Variants in EML1 observed in about 807,000 individuals in gnomAD.
EML1 encodes echinoderm microtubule-associated protein-like 1.
A neutral mutation model predicts 110.4 loss-of-function variants in EML1; 27 were observed. The ratio of observed to expected loss-of-function variants is 0.24; its 90% CI spans 0.18 to 0.34. The LOEUF is 0.34. Among genes scored for constraint, EML1 ranks in the 10% least tolerant of loss-of-function variants. The pLI is 1.00. For missense variants in EML1, 741 were observed against 1,030.9 expected (o/e 0.72, Z 3.85); for synonymous variants, 344 against 385.8 (o/e 0.89, Z 1.27).
At chr14:99,794,131 A>G in intron 1 of EML1, among the ~76,000 whole-genome samples, 1 of 152,172 alleles carries the variant, frequency 6.6e-6, no homozygotes, top group Non-Finnish European at 1.5e-5. Flanking sequence ...TTTATGGGAT[A>G]ATGGATTCTT....
chr14:99,774,534 C>T (rs2057461206), intron 1 of EML1, among the ~76,000 whole-genome samples: 1 of 152,244 alleles, frequency 6.6e-6, no homozygotes. Flanking sequence ...CATATCCACC[C>T]ACTCAAGGGT....
intron 1 of EML1, among the ~76,000 whole-genome samples, chr14:99,760,768 G>A (rs975783596): frequency 6.6e-6 from 1 of 152,138 alleles, no homozygotes; most frequent in Non-Finnish European, 1.5e-5. Context: ...CGGTCCCTCA[G>A]TGTGTGGCAC....
chr14:99,879,894 G>C (rs1009407773), intron 4 of EML1, among the ~76,000 whole-genome samples: 3 of 152,142 alleles, frequency 2.0e-5, no homozygotes, highest in Admixed American at 2.0e-4. Flanking sequence ...TTAGAGACTT[G>C]GCTCCTCCTC....
intron 1 of EML1, among the ~76,000 whole-genome samples, chr14:99,787,855 G>A (rs1334075926): frequency 1.3e-5 from 2 of 152,158 alleles, no homozygotes; most frequent in African/African-American, 2.4e-5. Context: ...TATTGGATTC[G>A]GGCCCAGCCT....
rs1191098 is a variant in EML1, at chr14:99,894,518, A to G, written c.548-111A>G. On this transcript the variant is annotated intron_variant, in intron 5 of 21. Coordinates refer to ENST00000262233, the MANE Select transcript of EML1 (RefSeq NM_004434.3). ...TCCCTAGGATATCAATTAGAATGAC[A>G]GAAGGGTAAAAGTTTCTCTTTTATA... The G allele has an allele frequency of 0.36, 450,932 of 1,242,682 alleles. 84,779 individuals are homozygous for G. Among genetic ancestry groups the G allele is most frequent in the South Asian group, 0.47 (17,505 of 37,332 alleles). The allele number at this position is 1,242,682 out of a possible 1,614,324, so 77.0% of individuals were successfully genotyped here. A position where few individuals can be genotyped will look rare whatever the true frequency, so the allele number is the denominator to read the frequency against.
chr14:99,898,296 T>C lies in EML1; in HGVS notation c.891T>C (p.Asp297=). The part of the protein sequence containing the change: ...ATGQVAGTSK[D]GKQLPPHVRI... ...GACAAGTTGCGGGCACATCGAAGGA[T>C]GGAAAAGTGAGTTACGTTACCTTTT... The change falls in exon 8 of 22, where the codon GAT becomes GAC. Residue 297 remains aspartate (D), a synonymous_variant. Transcript: ENST00000262233. 2 of 1,610,996 alleles carry C rather than the reference T, an allele frequency of 1.2e-6. No individual in the cohort carries two copies. The highest frequency in any genetic ancestry group is 2.2e-5 in the South Asian group (2 of 90,572).
chr14:99,808,819 G>C (rs1012022136), intron 1 of EML1, among the ~76,000 whole-genome samples: 1 of 152,136 alleles, frequency 6.6e-6, no homozygotes, highest in African/African-American at 2.4e-5. Flanking sequence ...AATATAAAAT[G>C]ATCTCCTTTC....
rs1216310433 is a variant in EML1, at chr14:99,861,497, T to C, written c.251-4017T>C. ...AAAATCTGCTAGCTTTTTTGTTTGA[T>C]TGGAGATGGAGTATCACTCTGTTGC... On this transcript the variant is annotated intron_variant, in intron 2 of 21. Transcript: ENST00000262233. 1.4e-4 allele frequency among the ~76,000 whole-genome samples: 22 copies of C among 152,196 alleles called. 1 individual carries two copies.
intron 1 of EML1, among the ~76,000 whole-genome samples, chr14:99,747,785 G>C (rs1190220398): frequency 6.6e-6 from 1 of 152,158 alleles, no homozygotes; most frequent in East Asian, 1.9e-4. Flanking sequence ...GCCCACCCCT[G>C]GCCACACGGG....
intron 1 of EML1, among the ~76,000 whole-genome samples, chr14:99,776,283 C>T (rs1459543649): frequency 6.6e-6 from 1 of 152,066 alleles, no homozygotes; most frequent in Admixed American, 6.6e-5. Context: ...GGTGGATCAC[C>T]TGAGGGGTCG....
intron 1 of EML1, among the ~76,000 whole-genome samples, chr14:99,836,070 G>C (rs1354927301): frequency 1.3e-5 from 2 of 151,072 alleles, no homozygotes; most frequent in Non-Finnish European, 3.0e-5. Context: ...TTACAAAATA[G>C]CTTGCTGGAA....
intron 1 of EML1, among the ~76,000 whole-genome samples, chr14:99,820,671 A>G (rs557910384): frequency 1.3e-5 from 2 of 152,192 alleles, no homozygotes; most frequent in Non-Finnish European, 2.9e-5. Context: ...CCGGTGTCTT[A>G]ACGTCAGGTA....
intron 1 of EML1, among the ~76,000 whole-genome samples, chr14:99,830,445 C>A (rs1192232604): frequency 1.3e-5 from 2 of 152,198 alleles, no homozygotes; most frequent in Admixed American, 6.5e-5. Context: ...GAAGCTTATT[C>A]TCTGATGGTG....
At chr14:99,911,007 T>C (rs954615931) in intron 12 of EML1, among the ~76,000 whole-genome samples, 1 of 152,204 alleles carries the variant, frequency 6.6e-6, no homozygotes, top group Non-Finnish European at 1.5e-5. Context: ...TCCCTGCTGC[T>C]CTTGGCTCTA....
rs143680138 is a variant in EML1, at chr14:99,931,959, G to A, written c.1910-4070G>A. Among the ~76,000 whole-genome samples the A allele has an allele frequency of 6.8e-4, 104 of 152,304 alleles. No homozygotes were observed. The East Asian group carries it at 0.019, about 29-fold the overall frequency. On this transcript the variant is annotated intron_variant, in intron 17 of 21. Coordinates refer to ENST00000262233, the MANE Select transcript of EML1 (RefSeq NM_004434.3). ...TATGTCGGGGGCCAGGGGCTGGGAG[G>A]CACCTCCTCTGAGGAAGGGAACGTT...
chr14:99,767,115 C>T (rs2140195891), intron 1 of EML1, among the ~76,000 whole-genome samples: 1 of 152,292 alleles, frequency 6.6e-6, no homozygotes, highest in African/African-American at 2.4e-5. Context: ...CTTCTTATTT[C>T]ACGGAAACGA....
chr14:99,873,120 G>A (rs574970727), intron 3 of EML1, among the ~76,000 whole-genome samples: 14 of 152,326 alleles, frequency 9.2e-5, no homozygotes, highest in South Asian at 6.2e-4. Context: ...TGCGGAGGCT[G>A]ACAATGGAGT....
intron 7 of EML1, among the ~76,000 whole-genome samples, 196 bp downstream of exon 7, chr14:99,897,490 A>G (rs2059691108): frequency 6.6e-6 from 1 of 152,160 alleles, no homozygotes; most frequent in Admixed American, 6.5e-5. Flanking sequence ...ATAACTAAAG[A>G]GAAGGAAGAG....
chr14:99,911,655 T>C lies in EML1; in HGVS notation c.1494+79T>C. 3 of 1,485,316 alleles carry C rather than the reference T, an allele frequency of 2.0e-6. No homozygotes were observed. The South Asian group carries it at 3.9e-5, about 20-fold the overall frequency. 92.0% of individuals were successfully genotyped at this position (1,485,316 alleles called of 1,614,324 possible). ...TTTTTTTATTAGTTTGAAATCTGTA[T>C]CTTACAGTTTTGAAAATTGTTTAGG... is the stretch of plus-strand genomic sequence containing the variant. On this transcript the variant is annotated intron_variant, in intron 13 of 21. Transcript: ENST00000262233.
Sources: allele counts gnomAD v4.1 joint callset (sites outside exome capture counted in the v4.1 genomes callset), GRCh38; gene constraint gnomAD v4.1.1; transcripts MANE v1.5; gene names NCBI Gene and HGNC (gene_info 2026-07-23, HGNC 2026-07-21).